The following PLOD2 variants were observed in gnomAD, a reference collection of about 807,000 sequenced individuals.
The protein encoded by PLOD2 is lysine hydroxylase 2.
A neutral mutation model predicts 101.0 loss-of-function variants in PLOD2; 65 were observed. That is an observed-to-expected ratio of 0.64 (90% CI 0.53 to 0.79). The LOEUF is 0.79. PLOD2 is among the 30% of genes least tolerant of loss of function. PLOD2 has a pLI of 0.00. For missense variants in PLOD2, 909 were observed against 914.6 expected (o/e 0.99, Z 0.08); for synonymous variants, 314 against 302.9 (o/e 1.04, Z -0.38).
chr3:146,085,250 T>A lies in PLOD2; in HGVS notation c.1151A>T (p.Lys384Met). ...MGMDFCRQDE[K>M]CDYYFSVDAD... is the part of the protein sequence containing the mutation. ...ATCCACACTAAAGTAATAATCACAC[T>A]TTTCATCCTGACGGCAAAAGTCCCT... The change falls in exon 11 of 20, where the codon AAG (lysine) becomes ATG (methionine). Residue 384 changes from lysine to methionine, a missense_variant. Coordinates refer to ENST00000282903, the MANE Select transcript of PLOD2 (RefSeq NM_182943.3). The A allele has an allele frequency of 6.2e-7, 1 of 1,602,864 alleles. No homozygotes were observed. The highest frequency in any genetic ancestry group is 8.5e-7 in the Non-Finnish European group (1 of 1,170,192).
At chr3:146,107,358 T>A (rs1937552740) in intron 4 of PLOD2, among the ~76,000 whole-genome samples, 1 of 152,208 alleles carries the variant, frequency 6.6e-6, no homozygotes, top group South Asian at 2.1e-4. Flanking sequence ...ACGGAATCAT[T>A]TTTCTTGTCT....
intron 1 of PLOD2, among the ~76,000 whole-genome samples, chr3:146,126,595 T>A (rs577566422): frequency 6.6e-6 from 1 of 152,176 alleles, no homozygotes; most frequent in East Asian, 1.9e-4. Flanking sequence ...ATAGGACAAA[T>A]GATTTATGTA....
intron 1 of PLOD2, 67 bp from the exon 2 acceptor site, chr3:146,124,296 C>A: frequency 1.2e-6 from 1 of 866,580 alleles, no homozygotes; most frequent in Non-Finnish European, 2.0e-6. Context: ...TTACAACTCA[C>A]TACAGTAATT....
intron 7 of PLOD2, among the ~76,000 whole-genome samples, chr3:146,095,871 C>G (rs1937132261): frequency 7.8e-6 from 1 of 128,802 alleles, no homozygotes; most frequent in Non-Finnish European, 1.6e-5. Context: ...CCTCTCCCCT[C>G]TCCCCTCTCC....
intron 3 of PLOD2, among the ~76,000 whole-genome samples, chr3:146,120,449 A>G (rs1419595979): frequency 6.8e-6 from 1 of 147,634 alleles, no homozygotes; most frequent in Non-Finnish European, 1.5e-5. Context: ...CCTTCCTTAC[A>G]CCTTACACAA....
chr3:146,075,506 AAG>A lies in PLOD2; in HGVS notation c.1677+1274_1677+1275del, dbSNP rs1553728751. ...AATCTGTAAAAAAAAAAAAAAAAAA[AAG>A]AAGAAGAAAACAGATTTTAAAAGGA... On this transcript the variant is annotated intron_variant, in intron 15 of 19. Transcript: ENST00000282903. Among the ~76,000 whole-genome samples the A allele has an allele frequency of 1.7e-3, 242 of 145,664 alleles. 6 individuals are homozygous for A. In the Admixed American group the frequency reaches 0.017, roughly 10 times the overall value.
rs138308442 is a variant in PLOD2 at position 146,146,672 on chromosome 3, T to C, written c.109+14209A>G. Among the ~76,000 whole-genome samples the C allele has an allele frequency of 4.0e-3, 603 of 152,294 alleles. 1 individual carries two copies. The highest frequency in any genetic ancestry group is 0.014 in the African/African-American group (579 of 41,564). The stretch of plus-strand genomic sequence containing the variant: ...CTTCTCCATCCCTGGGTTACATTTA[T>C]GGAAGCCTATTTCTGAATTCAATAC... On this transcript the variant is annotated intron_variant, in intron 1 of 19. Transcript: ENST00000282903.
chr3:146,098,844 A>T lies in PLOD2; in HGVS notation c.777+3911T>A, dbSNP rs531548353. On this transcript the variant is annotated intron_variant, in intron 7 of 19. Transcript: ENST00000282903. ...AAGTAAAACTAACTTACAAAAAATC[A>T]TACCAAAAAATCCTTCCACCTTTTA... 1.2e-3 allele frequency among the ~76,000 whole-genome samples: 187 copies of T among 152,300 alleles called. 1 individual carries two copies. The highest frequency in any genetic ancestry group is 4.2e-3 in the African/African-American group (175 of 41,574).
intron 1 of PLOD2, among the ~76,000 whole-genome samples, chr3:146,149,322 T>G (rs2031943842): frequency 6.6e-6 from 1 of 152,186 alleles, no homozygotes; most frequent in Admixed American, 6.5e-5. Context: ...ATTCATGTCT[T>G]GCATCAATAA....
chr3:146,088,470 C>A (rs1412426875), intron 9 of PLOD2, 116 bp downstream of exon 9: 1 of 732,140 alleles, frequency 1.4e-6, no homozygotes, highest in South Asian at 1.7e-5. Flanking sequence ...TGTAATTACT[C>A]CAAAAATCCT....
At chr3:146,125,107 T>TA (rs1248389831) in intron 1 of PLOD2, among the ~76,000 whole-genome samples, 1 of 152,036 alleles carries the variant, frequency 6.6e-6, no homozygotes, top group Non-Finnish European at 1.5e-5. Flanking sequence ...ACTGAAGATT[T>TA]AGAAGGACCT....
rs772416144 is a variant in PLOD2 at position 146,160,852 on chromosome 3, G to T, written c.109+29C>A. ...TGCCCCCCCGCCGGCCGAGCCTCGC[G>T]GGACAGCGGCGGACCGCGGGGTGCT... On this transcript the variant is annotated intron_variant, in intron 1 of 19. Transcript: ENST00000282903. 13 of 1,424,406 alleles carry T rather than the reference G, an allele frequency of 9.1e-6. No individual in the cohort carries two copies. The South Asian group carries it at 1.3e-4, about 15-fold the overall frequency. 88.2% of individuals were successfully genotyped at this position (1,424,406 alleles called of 1,614,324 possible).
intron 1 of PLOD2, among the ~76,000 whole-genome samples, chr3:146,143,753 A>G (rs1406630732): frequency 1.3e-5 from 2 of 152,058 alleles, no homozygotes; most frequent in African/African-American, 2.4e-5. Flanking sequence ...TCACCAACCA[A>G]AAGTCCAGAT....
intron 15 of PLOD2, among the ~76,000 whole-genome samples, chr3:146,075,768 A>G (rs1258725411): frequency 6.6e-6 from 1 of 151,714 alleles, no homozygotes; most frequent in Non-Finnish European, 1.5e-5. Context: ...GCTTTTGAAT[A>G]CACAAAACAA....
At chr3:146,136,456 T>C (rs541562648) in intron 1 of PLOD2, among the ~76,000 whole-genome samples, 1 of 152,350 alleles carries the variant, frequency 6.6e-6, no homozygotes, top group Non-Finnish European at 1.5e-5. Context: ...CATTATATAA[T>C]ATTGCATTAT....
chr3:146,133,032 C>T (rs1290607117), intron 1 of PLOD2, among the ~76,000 whole-genome samples: 5 of 151,916 alleles, frequency 3.3e-5, no homozygotes, highest in South Asian at 2.1e-4. Flanking sequence ...AAAAATTAGC[C>T]GGGTGTGGTG....
chr3:146,126,965 A>G (rs1245225350), intron 1 of PLOD2, among the ~76,000 whole-genome samples: 1 of 152,078 alleles, frequency 6.6e-6, no homozygotes, highest in Non-Finnish European at 1.5e-5. Context: ...AAATACTGAA[A>G]CTGCATTTTT....
chr3:146,108,036 A>C (rs1937567255), intron 4 of PLOD2, among the ~76,000 whole-genome samples: 1 of 152,102 alleles, frequency 6.6e-6, no homozygotes, highest in Non-Finnish European at 1.5e-5. Flanking sequence ...AGAGACACTC[A>C]ACATTTTCCA....
chr3:146,091,878 G>T lies in PLOD2; in HGVS notation c.801C>A (p.Asn267Lys), dbSNP rs771710305. 1.3e-6 allele frequency: 2 copies of T among 1,596,402 alleles called. No individual in the cohort carries two copies. Among genetic ancestry groups the T allele is most frequent in the Non-Finnish European group, 1.7e-6 (2 of 1,164,264 alleles). ...PTKILLNYFG[N>K]YVPNSWTQDN... is the part of the protein sequence containing the mutation. Reference sequence around the variant, plus strand: ...CCTGTGTCCATGAATTGGGTACATAGTTTCCAAAATAATTCAGGAGAATCT... The same window carrying T: ...CCTGTGTCCATGAATTGGGTACATATTTTCCAAAATAATTCAGGAGAATCT... The change falls in exon 8 of 20, where the codon AAC becomes AAA. Residue 267 changes from asparagine (N) to lysine (K), a missense_variant. Coordinates refer to ENST00000282903, the MANE Select transcript of PLOD2 (RefSeq NM_182943.3).
Sources: allele counts gnomAD v4.1 joint callset (sites outside exome capture counted in the v4.1 genomes callset), GRCh38; gene constraint gnomAD v4.1.1; transcripts MANE v1.5; gene names NCBI Gene and HGNC (gene_info 2026-07-23, HGNC 2026-07-21).